The following LYPD6 variants were observed in gnomAD, a reference collection of about 807,000 sequenced individuals.
LYPD6 encodes ly6/PLAUR domain-containing protein 6.
In LYPD6, 15 loss-of-function variants were observed where a neutral mutation model predicts 22.7. The observed-to-expected ratio is 0.66, with a 90% confidence interval of 0.44 to 1.02. The LOEUF is 1.02. Among genes scored for constraint, LYPD6 ranks in the 50% least tolerant of loss-of-function variants. LYPD6 has a pLI of 0.00. For synonymous variants in LYPD6, 72 were observed against 77.5 expected (o/e 0.93, Z 0.37); for missense variants, 189 against 208.4 (o/e 0.91, Z 0.57).
At chr2:149,460,242 AAT>A (rs1192792064) in intron 3 of LYPD6, among the ~76,000 whole-genome samples, 8 of 152,344 alleles carry the variant, frequency 5.3e-5, no homozygotes, top group African/African-American at 1.9e-4. Flanking sequence ...GTATTGACAG[AAT>A]ATGTTAAACC....
At chr2:149,336,652 T>C (rs1559116531) in intron 1 of LYPD6, among the ~76,000 whole-genome samples, 1 of 152,212 alleles carries the variant, frequency 6.6e-6, no homozygotes, top group Admixed American at 6.5e-5. Context: ...ATATTAACAG[T>C]GACTCTCTCT....
the LYPD6 span, among the ~76,000 whole-genome samples, chr2:149,480,679 C>T: frequency 6.6e-6 from 1 of 152,116 alleles, no homozygotes; most frequent in Non-Finnish European, 1.5e-5. Flanking sequence ...AGTGTTATTG[C>T]CGTGCACCAC....
intron 1 of LYPD6, among the ~76,000 whole-genome samples, chr2:149,407,103 C>G (rs1255680256): frequency 6.6e-6 from 1 of 152,212 alleles, no homozygotes; most frequent in Non-Finnish European, 1.5e-5. Context: ...GAGAGATCCA[C>G]TGTTAGTCTG....
chr2:149,374,253 A>G (rs904664203), intron 1 of LYPD6, among the ~76,000 whole-genome samples: 1 of 152,212 alleles, frequency 6.6e-6, no homozygotes, highest in African/African-American at 2.4e-5. Flanking sequence ...TAGACTGAGA[A>G]AAAAGAAAAA....
chr2:149,376,451 A>G (rs116080927), intron 1 of LYPD6, among the ~76,000 whole-genome samples: 7 of 152,248 alleles, frequency 4.6e-5, no homozygotes, highest in Non-Finnish European at 1.0e-4. Context: ...CTAGTTTGGA[A>G]AAACCACTGC....
chr2:149,375,086 CAG>C (rs1681887980), intron 1 of LYPD6, among the ~76,000 whole-genome samples: 1 of 152,176 alleles, frequency 6.6e-6, no homozygotes, highest in South Asian at 2.1e-4. Context: ...AGCTGTTTCA[CAG>C]ACCTCAGGGT....
In LYPD6 at chr2:149,430,749, T is replaced by C. The variant is rs115120104; in HGVS notation, c.-71-6889T>C. ...GTCCTGAGATTTTGTAATTTAGTAC[T>C]TGGTTCTTAAGATAGCTTCCAAAGT... is the stretch of plus-strand genomic sequence containing the variant. On this transcript the variant is annotated intron_variant, in intron 1 of 4. Transcript: ENST00000334166. 7.9e-3 allele frequency among the ~76,000 whole-genome samples: 1,204 copies of C among 152,350 alleles called. 15 individuals are homozygous for C. Among genetic ancestry groups the C allele is most frequent in the African/African-American group, 0.026 (1,091 of 41,586 alleles).
intron 3 of LYPD6, among the ~76,000 whole-genome samples, chr2:149,459,309 G>T (rs1362470): frequency 0.59 from 89,715 of 152,020 alleles, 28,025 homozygotes; most frequent in East Asian, 0.85. Context: ...TATCCTTCAG[G>T]AATGTGAAGA....
At chr2:149,340,345 TATA>T (rs898933008) in intron 1 of LYPD6, among the ~76,000 whole-genome samples, 9 of 152,198 alleles carry the variant, frequency 5.9e-5, no homozygotes, top group Non-Finnish European at 1.2e-4. Context: ...CTTTAGATAA[TATA>T]ATCATTTACT....
chr2:149,413,645 C>T (rs988522606), intron 1 of LYPD6, among the ~76,000 whole-genome samples: 6 of 152,216 alleles, frequency 3.9e-5, no homozygotes, highest in Admixed American at 3.3e-4. Context: ...TATTGATTGG[C>T]CTTTTAATCT....
rs376630879 is a variant in LYPD6 at position 149,464,400 on chromosome 2, A to G, written c.218-4245A>G. On this transcript the variant is annotated intron_variant, in intron 3 of 4. Coordinates refer to ENST00000334166, the MANE Select transcript of LYPD6 (RefSeq NM_194317.5). Reference sequence around the variant, plus strand: ...TGCACATTTTTCATCGTGCATGGTCAAAAGTTGTGGTACTATGTCTCAAGG... The same window carrying G: ...TGCACATTTTTCATCGTGCATGGTCGAAAGTTGTGGTACTATGTCTCAAGG... 7.5e-5 allele frequency: 18 copies of G among 238,778 alleles called. No homozygotes were observed. The East Asian group carries it at 2.7e-3, about 36-fold the overall frequency. 14.8% of individuals were successfully genotyped at this position (238,778 alleles called of 1,614,324 possible).
Position 149,468,763 on chromosome 2 carries a change from T to C in LYPD6, c.336T>C (p.His112=). 6.2e-7 allele frequency: 1 copy of C among 1,613,516 alleles called. No homozygotes were observed. Among genetic ancestry groups the C allele is most frequent in the Non-Finnish European group, 8.5e-7 (1 of 1,179,684 alleles). Residue 112 remains histidine (H), a synonymous_variant, in exon 4 of 5, where the codon CAT becomes CAC. Transcript: ENST00000334166. ...CLSTGCRDSE[H]EGHKVCTSCC... ...CCACTGGCTGCAGAGACTCCGAGCA[T>C]GAAGGCCACAAGGTCTGGGCAACAG... is the stretch of plus-strand genomic sequence containing the variant.
intron 1 of LYPD6, among the ~76,000 whole-genome samples, chr2:149,402,154 C>T (rs1218163104): frequency 6.6e-6 from 1 of 151,956 alleles, no homozygotes; most frequent in African/African-American, 2.4e-5. Context: ...ATAATAGTCT[C>T]CAATTCCATC....
the LYPD6 span, among the ~76,000 whole-genome samples, chr2:149,480,019 C>CTT: frequency 3.5e-5 from 5 of 144,124 alleles, no homozygotes; most frequent in African/African-American, 5.1e-5. Context: ...TTTTCTCTCT[C>CTT]TTTTTTTTTT....
intron 1 of LYPD6, among the ~76,000 whole-genome samples, chr2:149,395,637 C>T (rs911548002): frequency 2.0e-5 from 3 of 152,076 alleles, no homozygotes; most frequent in Non-Finnish European, 4.4e-5. Context: ...AAAATTTTGT[C>T]TTCTCATTTA....
chr2:149,414,115 A>T (rs1682912033), intron 1 of LYPD6, among the ~76,000 whole-genome samples: 1 of 152,230 alleles, frequency 6.6e-6, no homozygotes, highest in Non-Finnish European at 1.5e-5. Flanking sequence ...CTTGATAAGC[A>T]ATAGAACTTT....
chr2:149,375,656 G>A (rs1681901814), intron 1 of LYPD6, among the ~76,000 whole-genome samples: 1 of 152,152 alleles, frequency 6.6e-6, no homozygotes, highest in Non-Finnish European at 1.5e-5. Context: ...TGGGCCCATT[G>A]CTATAACTGT....
At chr2:149,331,634 G>A (rs62190572) in intron 1 of LYPD6, among the ~76,000 whole-genome samples, 9,354 of 152,012 alleles carry the variant, frequency 0.062, 328 homozygotes, top group East Asian at 0.14. Context: ...GGGATCGGGG[G>A]AGAGAATTGG....
At chr2:149,483,656 G>T in the LYPD6 span, among the ~76,000 whole-genome samples, 1 of 152,172 alleles carries the variant, frequency 6.6e-6, no homozygotes, top group Non-Finnish European at 1.5e-5. Flanking sequence ...GCAAAAAATT[G>T]ATAAGTCTGT....
Sources: gnomAD v4.1 joint callset for allele counts (sites outside exome capture counted in the v4.1 genomes callset) on GRCh38, gnomAD v4.1.1 for gene constraint, MANE v1.5 for transcripts, NCBI Gene and HGNC (gene_info 2026-07-23, HGNC 2026-07-21) for gene names.